The following AGMO variants were observed in gnomAD, a reference collection of about 807,000 sequenced individuals.
The protein encoded by AGMO is alkylglycerol monooxygenase.
AGMO carries 75 observed loss-of-function variants against 60.2 expected under a neutral mutation model. That is an observed-to-expected ratio of 1.25 (90% confidence interval 1.03 to 1.51). AGMO has a LOEUF of 1.51. Among genes scored for constraint, AGMO ranks in the 40% most tolerant of loss-of-function variants. The probability of loss-of-function intolerance (pLI) is 0.00; values close to 1 mark genes in which losing one functional copy is unlikely to be tolerated. For missense variants in AGMO, 763 were observed against 525.5 expected (o/e 1.45, Z -4.42); for synonymous variants, 261 against 177.1 (o/e 1.47, Z -3.76).
At chr7:15,249,580 C>T (rs1782870219) in intron 12 of AGMO, among the ~76,000 whole-genome samples, 1 of 151,946 alleles carries the variant, frequency 6.6e-6, no homozygotes, top group South Asian at 2.1e-4. Context: ...CACCCTTTTC[C>T]ATAAAAAGTC....
chr7:15,362,404 C>G (rs1284076433), intron 12 of AGMO, among the ~76,000 whole-genome samples: 1 of 152,104 alleles, frequency 6.6e-6, no homozygotes, highest in Admixed American at 6.5e-5. Flanking sequence ...AAGACTTGCT[C>G]AAGTTTAATC....
intron 12 of AGMO, among the ~76,000 whole-genome samples, chr7:15,225,250 T>A (rs1330127298): frequency 6.6e-6 from 1 of 152,032 alleles, no homozygotes; most frequent in Non-Finnish European, 1.5e-5. Flanking sequence ...TCACAACTTT[T>A]ATCCGTTCCC....
the AGMO span, among the ~76,000 whole-genome samples, chr7:15,121,927 AT>A: frequency 3.3e-5 from 5 of 152,210 alleles, no homozygotes; most frequent in Non-Finnish European, 7.3e-5. Flanking sequence ...AAAGGCTTAA[AT>A]GTAAAACCTA....
At chr7:15,389,494 T>C (rs941296853) in intron 8 of AGMO, among the ~76,000 whole-genome samples, 6 of 152,182 alleles carry the variant, frequency 3.9e-5, no homozygotes, top group South Asian at 2.1e-4. Flanking sequence ...CAGACACAGA[T>C]AGAAATGCCA....
At position 15,366,084 on chromosome 7, in the gene AGMO, TG is replaced by T. The variant is rs1350557404; in HGVS notation, c.1157+55del. 3.0e-6 allele frequency: 4 copies of T among 1,350,360 alleles called. No homozygotes were observed. In the African/African-American group the frequency reaches 5.9e-5, roughly 20 times the overall value. 83.6% of individuals were successfully genotyped at this position (1,350,360 alleles called of 1,614,324 possible). ...AATATACTGGTATTTTACCACTCTG[TG>T]GAAAATTCTTGAATTGAGTAAAAGT... On this transcript the variant is annotated intron_variant, in intron 11 of 12. Transcript: ENST00000342526.
chr7:15,300,594 A>G (rs370895110), intron 12 of AGMO, among the ~76,000 whole-genome samples: 36 of 152,266 alleles, frequency 2.4e-4, no homozygotes, highest in African/African-American at 8.7e-4. Context: ...GAAAGCAGCA[A>G]TTTTTCTTCT....
chr7:15,193,246 T>TTCTGC, the AGMO span, among the ~76,000 whole-genome samples: 1 of 21,844 alleles, frequency 4.6e-5, no homozygotes, highest in African/African-American at 9.3e-4. Flanking sequence ...GTATGATATT[T>TTCTGC]TCTAATTTTT....
chr7:15,496,710 G>T (rs58646008), intron 3 of AGMO, among the ~76,000 whole-genome samples: 4,069 of 152,108 alleles, frequency 0.027, 186 homozygotes, highest in African/African-American at 0.093. Context: ...AACTTTTCTG[G>T]TTTATTGAAA....
intron 12 of AGMO, among the ~76,000 whole-genome samples, chr7:15,328,357 A>G (rs759265047): frequency 6.6e-6 from 1 of 152,142 alleles, no homozygotes; most frequent in African/African-American, 2.4e-5. Context: ...TCGGCCTCTC[A>G]AAGTGCTGGG....
chr7:15,423,694 G>C (rs901838505), intron 4 of AGMO, among the ~76,000 whole-genome samples: 1 of 86,392 alleles, frequency 1.2e-5, no homozygotes, highest in Non-Finnish European at 2.9e-5. Context: ...TAGACACGGA[G>C]ATAGACATGC....
chr7:15,495,519 C>A (rs1355449211), intron 3 of AGMO, among the ~76,000 whole-genome samples: 1 of 152,134 alleles, frequency 6.6e-6, no homozygotes, highest in Non-Finnish European at 1.5e-5. Context: ...GTAAGCTTTA[C>A]AAAGTAACTA....
rs866305008 is a variant in AGMO at position 15,354,320 on chromosome 7, A to G, written c.1263+11194T>C. ...TATATATACGTGTATACACGCGTGT[A>G]TATACGTACGCGTGTATATACACGC... is the stretch of plus-strand genomic sequence containing the variant. On this transcript the variant is annotated intron_variant, in intron 12 of 12. Transcript: ENST00000342526. Among the ~76,000 whole-genome samples the G allele has an allele frequency of 5.3e-4, 39 of 72,994 alleles. 1 individual carries two copies. Among genetic ancestry groups the G allele is most frequent in the African/African-American group, 2.1e-3 (23 of 11,076 alleles). 47.9% of individuals were successfully genotyped at this position (72,994 alleles called of 152,430 possible).
chr7:15,400,706 T>C (rs1024972222), intron 5 of AGMO, among the ~76,000 whole-genome samples: 4 of 151,766 alleles, frequency 2.6e-5, no homozygotes, highest in African/African-American at 9.7e-5. Flanking sequence ...AAAGCTAAAA[T>C]GAAGGAGCCA....
chr7:15,396,411 G>A (rs1784385539), intron 5 of AGMO: 2 of 152,320 alleles, frequency 1.3e-5, no homozygotes, highest in African/African-American at 4.8e-5. Context: ...AGTTTCCTTG[G>A]TTCAGTAACC....
At chr7:15,234,280 C>T (rs777948109) in intron 12 of AGMO, among the ~76,000 whole-genome samples, 2 of 152,142 alleles carry the variant, frequency 1.3e-5, no homozygotes, top group Non-Finnish European at 2.9e-5. Context: ...TATTTCCTTG[C>T]CATTCCTAAG....
rs564473480 is a variant in AGMO at position 15,506,274 on chromosome 7, A to G, written c.409+38498T>C. Among the ~76,000 whole-genome samples, 592 of 62,048 alleles carry G rather than the reference A, an allele frequency of 9.5e-3. 4 individuals are homozygous for G. Among genetic ancestry groups the G allele is most frequent in the African/African-American group, 0.025 (553 of 22,054 alleles). 40.7% of individuals were successfully genotyped at this position (62,048 alleles called of 152,430 possible). A position where few individuals can be genotyped will look rare whatever the true frequency, so the allele number is the denominator to read the frequency against. On this transcript the variant is annotated intron_variant, in intron 3 of 12. Coordinates refer to ENST00000342526, the MANE Select transcript of AGMO (RefSeq NM_001004320.2). ...TGCATTATCTACCTTTCTAATTACT[A>G]TTACTTTTTTTTTACAAATAAGGAA...
Position 15,528,189 on chromosome 7 carries a change from T to C in AGMO, c.409+16583A>G, listed in dbSNP as rs569048476. Among the ~76,000 whole-genome samples the C allele has an allele frequency of 3.3e-5, 5 of 152,112 alleles. No homozygotes were observed. The South Asian group carries it at 1.0e-3, about 31-fold the overall frequency. ...ATTTATTGAAGGCCCTGATGATCATTAGCATCTTTAGCAAAAAAAGTGATT... is the reference window on the plus strand; with the variant it reads ...ATTTATTGAAGGCCCTGATGATCATCAGCATCTTTAGCAAAAAAAGTGATT... On this transcript the variant is annotated intron_variant, in intron 3 of 12. Coordinates refer to ENST00000342526, the MANE Select transcript of AGMO (RefSeq NM_001004320.2).
intron 2 of AGMO, among the ~76,000 whole-genome samples, chr7:15,548,626 A>C (rs1173701738): frequency 2.6e-5 from 4 of 152,094 alleles, no homozygotes; most frequent in African/African-American, 9.7e-5. Context: ...AAAAATAATA[A>C]AAAGAAATGA....
the AGMO span, among the ~76,000 whole-genome samples, chr7:15,131,757 AACAC>A: frequency 2.4e-3 from 351 of 146,182 alleles, 1 homozygote; most frequent in East Asian, 7.2e-3. Context: ...CAAAGAAATT[AACAC>A]ACACACACAC....
Sources: allele counts gnomAD v4.1 joint callset (sites outside exome capture counted in the v4.1 genomes callset), GRCh38; gene constraint gnomAD v4.1.1; transcripts MANE v1.5; gene names NCBI Gene and HGNC (gene_info 2026-07-23, HGNC 2026-07-21).